The following IL1RAPL1 variants were observed in gnomAD, a reference collection of about 807,000 sequenced individuals.
IL1RAPL1 encodes interleukin 1 receptor accessory protein like 1.
Under a neutral mutation model 48.4 loss-of-function variants are expected in IL1RAPL1, and 3 were observed. That is an observed-to-expected ratio of 0.06 (90% confidence interval 0.03 to 0.16). The LOEUF is 0.16. IL1RAPL1 is among the 10% of genes least tolerant of loss of function. The pLI, the probability that IL1RAPL1 is intolerant of heterozygous loss-of-function variation, is 1.00. For missense variants in IL1RAPL1, 349 were observed against 530.6 expected (o/e 0.66, Z 3.36); for synonymous variants, 185 against 187.7 (o/e 0.99, Z 0.12).
At chrX:29,542,516 C>G (rs1379923075) in intron 5 of IL1RAPL1, among the ~76,000 whole-genome samples, 1 of 112,433 alleles carries the variant, frequency 8.9e-6, no homozygotes, top group Non-Finnish European at 1.9e-5. Flanking sequence ...GATAAAACTA[C>G]TTCTTCTATC....
intron 5 of IL1RAPL1, among the ~76,000 whole-genome samples, chrX:29,473,734 A>G (rs1472771143): frequency 2.7e-5 from 3 of 110,108 alleles, no homozygotes; most frequent in African/African-American, 9.9e-5. Flanking sequence ...GAATCTATCA[A>G]AGAATGTAAC....
At chrX:28,982,068 T>C (rs1424640268) in intron 2 of IL1RAPL1, among the ~76,000 whole-genome samples, 2 of 111,919 alleles carry the variant, frequency 1.8e-5, no homozygotes, top group African/African-American at 6.5e-5. Flanking sequence ...TTGAGGGTAC[T>C]TTTTTTCTAT....
In IL1RAPL1 at chrX:29,802,979, ACATG is replaced by A. The variant is rs1456034364; in HGVS notation, c.779-114484_779-114481del. 7.6e-4 allele frequency among the ~76,000 whole-genome samples: 61 copies of A among 80,470 alleles called. 4 individuals carry two copies. Among genetic ancestry groups the A allele is most frequent in the African/African-American group, 2.7e-3 (53 of 19,714 alleles). The allele number at this position is 80,470 out of a possible 115,157, so 69.9% of individuals were successfully genotyped here. A position where few individuals can be genotyped will look rare whatever the true frequency, so the allele number is the denominator to read the frequency against. ...TGTATACATGTGTACATATATACAT[ACATG>A]TGTACATATATATGTATGCATATAT... On this transcript the variant is annotated intron_variant, in intron 6 of 10. Transcript: ENST00000378993.
chrX:28,937,563 C>G (rs1272611911), intron 2 of IL1RAPL1, among the ~76,000 whole-genome samples: 1 of 111,621 alleles, frequency 9.0e-6, no homozygotes, highest in African/African-American at 3.3e-5. Flanking sequence ...TGTCTACATG[C>G]TGTCCTATAG....
At position 29,722,304 on chromosome X, in the gene IL1RAPL1, T is replaced by C. The variant is rs912154417; in HGVS notation, c.778+53800T>C. 5.3e-5 allele frequency among the ~76,000 whole-genome samples: 6 copies of C among 112,310 alleles called. No individual in the cohort carries two copies. The Admixed American group carries it at 5.7e-4, about 11-fold the overall frequency. ...TTGATCTTCTGCCTTAAAACTTTAC[T>C]TGAAAAATTAATTAAAATACTTTTT... is the stretch of plus-strand genomic sequence containing the variant. On this transcript the variant is annotated intron_variant, in intron 6 of 10. Coordinates refer to ENST00000378993, the MANE Select transcript of IL1RAPL1 (RefSeq NM_014271.4).
intron 2 of IL1RAPL1, among the ~76,000 whole-genome samples, chrX:28,795,883 C>T (rs1037127881): frequency 6.3e-5 from 7 of 110,562 alleles, no homozygotes; most frequent in Non-Finnish European, 7.6e-5. Context: ...AAATGATGTT[C>T]GTATTATTCC....
chrX:29,591,491 G>A (rs1205662060), intron 5 of IL1RAPL1, among the ~76,000 whole-genome samples: 1 of 112,460 alleles, frequency 8.9e-6, no homozygotes, highest in Non-Finnish European at 1.9e-5. Context: ...GGGAGAGCAA[G>A]TCACCAGTCG....
At chrX:28,602,176 T>C (rs1934035423) in intron 1 of IL1RAPL1, among the ~76,000 whole-genome samples, 1 of 111,169 alleles carries the variant, frequency 9.0e-6, no homozygotes, top group African/African-American at 3.3e-5. Context: ...GTGACACTCC[T>C]TTTCCATCAC....
rs772185346 is a variant in IL1RAPL1, at chrX:29,791,427, CT to C, written c.778+122936del. On this transcript the variant is annotated intron_variant, in intron 6 of 10. Transcript: ENST00000378993. ...AACATTTTCTTTTTTTTCTTTTTAT[CT>C]TTTTTTTTTTTTCAGATAGAGTTTT... 2.9e-3 allele frequency among the ~76,000 whole-genome samples: 286 copies of C among 99,635 alleles called. 1 individual carries two copies. Among genetic ancestry groups the C allele is most frequent in the Middle Eastern group, 5.2e-3 (1 of 194 alleles). 86.5% of individuals were successfully genotyped at this position (99,635 alleles called of 115,157 possible).
chrX:29,240,224 A>ATTTTTTT (rs55639151), intron 2 of IL1RAPL1, among the ~76,000 whole-genome samples: 11 of 13,336 alleles, frequency 8.2e-4, no homozygotes, highest in African/African-American at 2.4e-3. Flanking sequence ...ATATATATAT[A>ATTTTTTT]TTTTTTTTTT....
chrX:29,340,156 A>G (rs1008468889), intron 3 of IL1RAPL1, among the ~76,000 whole-genome samples: 5 of 111,988 alleles, frequency 4.5e-5, no homozygotes, highest in African/African-American at 1.6e-4. Flanking sequence ...ATATATACTC[A>G]ATTGTTTGTT....
chrX:28,710,308 A>C (rs1288397614), intron 1 of IL1RAPL1, among the ~76,000 whole-genome samples: 4 of 107,818 alleles, frequency 3.7e-5, no homozygotes, highest in African/African-American at 1.0e-4. Context: ...ATATCAGTGC[A>C]TGAAAAAATA....
intron 1 of IL1RAPL1, among the ~76,000 whole-genome samples, chrX:28,679,934 A>G (rs1935039377): frequency 9.0e-6 from 1 of 111,636 alleles, no homozygotes; most frequent in Non-Finnish European, 1.9e-5. Flanking sequence ...TGCTTCAGCT[A>G]TTTGGAGTCT....
At chrX:29,287,968 T>C (rs1047082802) in intron 3 of IL1RAPL1, among the ~76,000 whole-genome samples, 11 of 111,681 alleles carry the variant, frequency 9.8e-5, no homozygotes, top group African/African-American at 3.6e-4. Context: ...AGTCTAAAAA[T>C]TCTGCCAAGT....
At chrX:29,825,073 T>C (rs1054422494) in intron 6 of IL1RAPL1, among the ~76,000 whole-genome samples, 4 of 111,466 alleles carry the variant, frequency 3.6e-5, no homozygotes, top group Non-Finnish European at 5.7e-5. Context: ...GAAGGAACTT[T>C]CTCAGCTGAA....
At chrX:29,418,121 A>ATTTTTT (rs1347883796) in intron 5 of IL1RAPL1, among the ~76,000 whole-genome samples, 6 of 40,289 alleles carry the variant, frequency 1.5e-4, no homozygotes, top group Non-Finnish European at 2.0e-4. Flanking sequence ...ATATATATAT[A>ATTTTTT]TATATTTTTT....
intron 2 of IL1RAPL1, among the ~76,000 whole-genome samples, chrX:29,175,870 A>T (rs1278957950): frequency 4.2e-5 from 4 of 95,062 alleles, no homozygotes; most frequent in African/African-American, 1.1e-4. Context: ...AAAAAAAAAA[A>T]GATTCCAGTG....
intron 2 of IL1RAPL1, among the ~76,000 whole-genome samples, chrX:28,908,255 G>A (rs983556069): frequency 1.1e-4 from 12 of 110,895 alleles, no homozygotes; most frequent in Non-Finnish European, 1.7e-4. Flanking sequence ...TAGATATAAA[G>A]TGTTGTTTTT....
chrX:29,771,543 G>A (rs1929064860), intron 6 of IL1RAPL1, among the ~76,000 whole-genome samples: 1 of 111,854 alleles, frequency 8.9e-6, no homozygotes, highest in African/African-American at 3.2e-5. Flanking sequence ...GTCACTGTTT[G>A]GAAAATCTTA....
Sources: gnomAD v4.1 joint callset for allele counts (sites outside exome capture counted in the v4.1 genomes callset) on GRCh38, gnomAD v4.1.1 for gene constraint, MANE v1.5 for transcripts, NCBI Gene and HGNC (gene_info 2026-07-23, HGNC 2026-07-21) for gene names.